The following WDR76 variants were observed in gnomAD, a reference collection of about 807,000 sequenced individuals.
The protein encoded by WDR76 is WD repeat-containing protein 76.
A neutral mutation model predicts 70.2 loss-of-function variants in WDR76; 52 were observed. That is an observed-to-expected ratio of 0.74 (90% confidence interval 0.59 to 0.93). The LOEUF is 0.93. Among genes scored for constraint, WDR76 ranks in the 40% least tolerant of loss-of-function variants. The pLI is 0.00. For synonymous variants in WDR76, 292 were observed against 271.1 expected, an observed-to-expected ratio of 1.08 and a Z score of -0.76; for missense variants, 756 against 760.2, an observed-to-expected ratio of 0.99 and a Z score of 0.07.
chr15:43,831,937 T>C (rs1329711213), intron 2 of WDR76, among the ~76,000 whole-genome samples: 1 of 150,428 alleles, frequency 6.6e-6, no homozygotes, highest in Non-Finnish European at 1.5e-5. Flanking sequence ...TTAATAGAGA[T>C]GGGGTTTTAC....
Position 43,854,988 on chromosome 15 carries a change from G to T in WDR76, c.1192-1958G>T, listed in dbSNP as rs541028484. ...AAAAGAAATTTTCCATTTCCCTCAA[G>T]ATTACGTCATGACCTTTTGTAGTCA... On this transcript the variant is annotated intron_variant, in intron 9 of 12. Transcript: ENST00000263795. 1.7e-4 allele frequency among the ~76,000 whole-genome samples: 25 copies of T among 151,172 alleles called. No individual in the cohort carries two copies. The South Asian group carries it at 5.0e-3, about 30-fold the overall frequency.
intron 8 of WDR76, among the ~76,000 whole-genome samples, chr15:43,850,453 G>A (rs1245249433): frequency 2.6e-5 from 4 of 151,748 alleles, no homozygotes; most frequent in Admixed American, 6.6e-5. Context: ...CGGCCACCAC[G>A]CCCGGCTAGT....
intron 10 of WDR76, chr15:43,858,452 T>A (rs780394662): frequency 3.1e-5 from 15 of 484,074 alleles, no homozygotes; most frequent in Admixed American, 1.5e-4. Flanking sequence ...TTTCTCCATG[T>A]TGAGGCTGGT....
chr15:43,835,587 A>G (rs2087645632), intron 3 of WDR76, among the ~76,000 whole-genome samples: 1 of 151,876 alleles, frequency 6.6e-6, no homozygotes. Context: ...GGAGGGTAAA[A>G]TTGGAGCAGG....
Position 43,866,365 on chromosome 15 carries a change from T to C in WDR76, c.1854T>C (p.His618=), listed in dbSNP as rs978824453. 3 of 1,614,030 alleles carry C rather than the reference T, an allele frequency of 1.9e-6. No individual in the cohort carries two copies. Among genetic ancestry groups the C allele is most frequent in the East Asian group, 2.2e-5 (1 of 44,888 alleles). The change falls in exon 13 of 13, where the codon CAT becomes CAC. Residue 618 remains histidine, a synonymous_variant. Coordinates refer to ENST00000263795, the MANE Select transcript of WDR76 (RefSeq NM_024908.4). The stretch of plus-strand genomic sequence containing the variant: ...GAGGTAATTCCAGCGGGAAGATACA[T>C]GTTTTTATGAATGAAAAAAGCTGCT... ...LAGGNSSGKI[H]VFMNEKSC is the part of the protein sequence containing the mutation.
chr15:43,827,177 G>C (rs1338605845), intron 1 of WDR76, 85 bp downstream of exon 1: 5 of 1,579,378 alleles, frequency 3.2e-6, no homozygotes, highest in Non-Finnish European at 4.3e-6. Context: ...AGGAGGTCGA[G>C]GGCACCTGGC....
At chr15:43,832,016 G>C (rs1424492978) in intron 2 of WDR76, among the ~76,000 whole-genome samples, 1 of 152,060 alleles carries the variant, frequency 6.6e-6, no homozygotes, top group Non-Finnish European at 1.5e-5. Context: ...CAAAGTGCTA[G>C]GATTATAGGC....
chr15:43,850,586 C>T (rs1203267424), intron 8 of WDR76, among the ~76,000 whole-genome samples: 17 of 152,276 alleles, frequency 1.1e-4, no homozygotes, highest in African/African-American at 3.6e-4. Flanking sequence ...TGAGCCACCG[C>T]GCCCGGCCAT....
chr15:43,857,820 C>CAAAA (rs972013972), intron 10 of WDR76, among the ~76,000 whole-genome samples: 7 of 57,920 alleles, frequency 1.2e-4, no homozygotes, highest in Admixed American at 2.1e-4. Context: ...CTCTTGTCTC[C>CAAAA]AAAAAAAAAA....
intron 8 of WDR76, 105 bp downstream of exon 8, chr15:43,844,159 A>G: frequency 9.1e-7 from 1 of 1,099,712 alleles, no homozygotes; most frequent in South Asian, 2.9e-5. Context: ...TGAGACTTAC[A>G]ATTTTGGGCT....
At chr15:43,853,468 G>A (rs2087888759) in intron 9 of WDR76, among the ~76,000 whole-genome samples, 1 of 152,132 alleles carries the variant, frequency 6.6e-6, no homozygotes. Flanking sequence ...TGGTATTACA[G>A]GCATGAGCCA....
intron 4 of WDR76, among the ~76,000 whole-genome samples, chr15:43,836,727 C>G (rs1334250820): frequency 6.6e-6 from 1 of 151,994 alleles, no homozygotes; most frequent in African/African-American, 2.4e-5. Context: ...AGTTAGAAAT[C>G]AGGCTCAAAA....
chr15:43,845,569 C>T (rs1250544056), intron 8 of WDR76, among the ~76,000 whole-genome samples: 1 of 150,196 alleles, frequency 6.7e-6, no homozygotes, highest in Admixed American at 6.6e-5. Context: ...TAAAATGCTG[C>T]TGTTGATAAG....
At position 43,858,720 on chromosome 15, in the gene WDR76, C is replaced by G. The variant is rs761799945; in HGVS notation, c.1459C>G (p.Pro487Ala). 1.2e-6 allele frequency: 2 copies of G among 1,614,006 alleles called. No homozygotes were observed. Among genetic ancestry groups the G allele is most frequent in the East Asian group, 2.2e-5 (1 of 44,890 alleles). ...GCGATTGAATTCCAGGAGAAGTCAG[C>G]CTTTGATTTCTTTGACTGAACATAC... ...ARRLNSRRSQ[P>A]LISLTEHTKS... Residue 487 changes from proline (P) to alanine (A), a missense_variant, in exon 11 of 13, where the codon CCT becomes GCT. Coordinates refer to ENST00000263795, the MANE Select transcript of WDR76 (RefSeq NM_024908.4).
At chr15:43,847,361 G>T (rs1193583389) in intron 8 of WDR76, among the ~76,000 whole-genome samples, 1 of 151,642 alleles carries the variant, frequency 6.6e-6, no homozygotes, top group East Asian at 1.9e-4. Flanking sequence ...CCTGGGTTCA[G>T]GTGATTCTCG....
intron 12 of WDR76, among the ~76,000 whole-genome samples, chr15:43,863,629 G>A (rs2088033767): frequency 6.6e-6 from 1 of 151,478 alleles, no homozygotes; most frequent in South Asian, 2.1e-4. Context: ...GCATGATCAT[G>A]GCTCACTTCA....
chr15:43,839,787 G>T (rs1033522439), intron 5 of WDR76, 59 bp downstream of exon 5: 1 of 1,477,806 alleles, frequency 6.8e-7, no homozygotes. Flanking sequence ...AATTTGAAGT[G>T]TTGAAACTAG....
Position 43,827,111 on chromosome 15 carries a change from C to T in WDR76, c.60+19C>T. ...GATGAAGGTGAGAAACGGACTGGTGCTTCCAAGGTGTGCTCCTGCCTCGGT... is the reference window on the plus strand; with the variant it reads ...GATGAAGGTGAGAAACGGACTGGTGTTTCCAAGGTGTGCTCCTGCCTCGGT... On this transcript the variant is annotated intron_variant, in intron 1 of 12. Transcript: ENST00000263795. 1 of 1,597,408 alleles carries T rather than the reference C, an allele frequency of 6.3e-7. No individual in the cohort carries two copies.
At chr15:43,843,614 C>T (rs2087752312) in intron 7 of WDR76, among the ~76,000 whole-genome samples, 1 of 151,114 alleles carries the variant, frequency 6.6e-6, no homozygotes, top group Non-Finnish European at 1.5e-5. Flanking sequence ...GCTCAAAGGT[C>T]TTTTTTTTTC....
Sources: gnomAD v4.1 joint callset for allele counts (sites outside exome capture counted in the v4.1 genomes callset) on GRCh38, gnomAD v4.1.1 for gene constraint, MANE v1.5 for transcripts, NCBI Gene and HGNC (gene_info 2026-07-23, HGNC 2026-07-21) for gene names.